OSBPL5: variants seen among roughly 807,000 people sequenced by gnomAD.
The protein encoded by OSBPL5 is oxysterol-binding protein-related protein 5.
In OSBPL5, 71 loss-of-function variants were observed where a neutral mutation model predicts 111.2. The observed-to-expected ratio is 0.64, with a 90% CI of 0.53 to 0.78. The LOEUF (loss-of-function observed/expected upper bound fraction) is 0.78, where lower values mean the gene tolerates loss of function less well. Among genes scored for constraint, OSBPL5 ranks in the 30% least tolerant of loss-of-function variants. The probability of loss-of-function intolerance (pLI) is 0.00; values close to 1 mark genes in which losing one functional copy is unlikely to be tolerated. For missense variants in OSBPL5, 1,210 were observed against 1,189.3 expected (o/e 1.02, Z -0.26); for synonymous variants, 549 against 513.9 (o/e 1.07, Z -0.93).
chr11:3,111,406 C>A (rs761274569), intron 7 of OSBPL5, among the ~76,000 whole-genome samples: 1 of 151,568 alleles, frequency 6.6e-6, no homozygotes, highest in Non-Finnish European at 1.5e-5. Context: ...GCCTGAGACC[C>A]ATCCCTAGGG....
chr11:3,158,416 C>A (rs770416241), intron 1 of OSBPL5, among the ~76,000 whole-genome samples: 1 of 152,288 alleles, frequency 6.6e-6, no homozygotes, highest in Admixed American at 6.5e-5. Flanking sequence ...GGTGCCCACA[C>A]TGGCACCTGC....
At chr11:3,122,146 G>A (rs1858440930) in intron 4 of OSBPL5, 48 bp from the exon 5 acceptor site, 1 of 1,512,432 alleles carries the variant, frequency 6.6e-7, no homozygotes, top group African/African-American at 1.4e-5. Context: ...GCACCGAGCT[G>A]CCCCAGCTCC....
In OSBPL5 at chr11:3,150,049, C is replaced by G. The variant is rs752763437; in HGVS notation, c.-22+15167G>C. Among the ~76,000 whole-genome samples the G allele has an allele frequency of 2.0e-5, 3 of 152,302 alleles. No homozygotes were observed. The East Asian group carries it at 5.8e-4, about 29-fold the overall frequency. ...AGACAGATGTGCATGCACACACACA[C>G]AGACACACACGTACACACACACAGC... On this transcript the variant is annotated intron_variant, in intron 1 of 21. Coordinates refer to ENST00000263650, the MANE Select transcript of OSBPL5 (RefSeq NM_020896.4).
rs1246966652 is a variant in OSBPL5, at chr11:3,113,499, A to G, written c.692-5554T>C. Among the ~76,000 whole-genome samples, 2 of 152,152 alleles carry G rather than the reference A, an allele frequency of 1.3e-5. No individual in the cohort carries two copies. The highest frequency in any genetic ancestry group is 2.9e-5 in the Non-Finnish European group (2 of 68,024). ...GTGAAACCCCATCTCTACTAAAAATACAAAAATTAGCCAGGTGTGTTGGCA... is the reference window on the plus strand; with the variant it reads ...GTGAAACCCCATCTCTACTAAAAATGCAAAAATTAGCCAGGTGTGTTGGCA... On this transcript the variant is annotated intron_variant, in intron 7 of 21. Transcript: ENST00000263650. The surrounding 1 kb of genome is among the most constrained non-coding windows in gnomAD (Gnocchi z 4.8).
In OSBPL5 at chr11:3,121,257, C is replaced by T. The variant is rs1158164192; in HGVS notation, c.403-633G>A. Among the ~76,000 whole-genome samples, 2 of 151,994 alleles carry T rather than the reference C, an allele frequency of 1.3e-5. No individual in the cohort carries two copies. Among genetic ancestry groups the T allele is most frequent in the Non-Finnish European group, 2.9e-5 (2 of 68,010 alleles). On this transcript the variant is annotated intron_variant, in intron 5 of 21. Coordinates refer to ENST00000263650, the MANE Select transcript of OSBPL5 (RefSeq NM_020896.4). The surrounding 1 kb of genome is among the most constrained non-coding windows in gnomAD (Gnocchi z 4.3). ...ATTTTTAGTAGAGACGGGGTTTTGC[C>T]ATTTTGGACAGGCTGGTCTCAAACT... is the stretch of plus-strand genomic sequence containing the variant.
chr11:3,138,134 CGGCCCT>C (rs1846000994), intron 1 of OSBPL5, among the ~76,000 whole-genome samples: 1 of 152,226 alleles, frequency 6.6e-6, no homozygotes, highest in Non-Finnish European at 1.5e-5. Context: ...AGCCCGTCCC[CGGCCCT>C]GTCCACCTGT....
rs187350869 is a variant in OSBPL5 at position 3,155,180 on chromosome 11, G to A, written c.-22+10036C>T. On this transcript the variant is annotated intron_variant, in intron 1 of 21. Coordinates refer to ENST00000263650, the MANE Select transcript of OSBPL5 (RefSeq NM_020896.4). The stretch of plus-strand genomic sequence containing the variant: ...AGAATCAACGTCTGGGCTGCTTAGT[G>A]GTGGAAACCCCAGCAAGCTCACACA... Among the ~76,000 whole-genome samples the A allele has an allele frequency of 2.5e-3, 388 of 152,318 alleles. 4 individuals are homozygous for A. The highest frequency in any genetic ancestry group is 9.1e-3 in the African/African-American group (380 of 41,564).
Position 3,090,704 on chromosome 11 carries a change from GA to G in OSBPL5, c.2260-9del. 1 of 1,607,330 alleles carries G rather than the reference GA, an allele frequency of 6.2e-7. No homozygotes were observed. The highest frequency in any genetic ancestry group is 1.7e-5 in the Admixed American group (1 of 59,472). The stretch of plus-strand genomic sequence containing the variant: ...CTGGTCTGGGCCAGACCTCTGCAGA[GA>G]AATGGAGCTGCTGCAGCTGAAAGCC... On this transcript the variant is annotated splice_polypyrimidine_tract_variant and intron_variant, in intron 19 of 21. Coordinates refer to ENST00000263650, the MANE Select transcript of OSBPL5 (RefSeq NM_020896.4).
chr11:3,092,508 C>A lies in OSBPL5; in HGVS notation c.2183G>T (p.Gly728Val). ...LKDIAQFEQD[G>V]ILRTLQQEAV... ...CTCCTGCTGCAAGGTCCGCAGGATC[C>A]CGTCTTGCTCAAACTGGGCGATGTC... is the stretch of plus-strand genomic sequence containing the variant. Residue 728 changes from glycine to valine, a missense_variant, in exon 19 of 22, where the codon GGG becomes GTG. Coordinates refer to ENST00000263650, the MANE Select transcript of OSBPL5 (RefSeq NM_020896.4). This position sits in a 1 kb window ranked among gnomAD's most constrained non-coding sequence, Gnocchi z 5.4. 6.3e-7 allele frequency: 1 copy of A among 1,583,256 alleles called. No individual in the cohort carries two copies. The highest frequency in any genetic ancestry group is 8.6e-7 in the Non-Finnish European group (1 of 1,165,132).
At chr11:3,134,052 G>T (rs1019173408) in intron 1 of OSBPL5, among the ~76,000 whole-genome samples, 1 of 152,116 alleles carries the variant, frequency 6.6e-6, no homozygotes, top group Non-Finnish European at 1.5e-5. Flanking sequence ...GGAGGGAAGG[G>T]TGCAGGCCTG....
intron 1 of OSBPL5, among the ~76,000 whole-genome samples, chr11:3,148,656 A>G (rs1354572039): frequency 1.3e-5 from 2 of 152,228 alleles, no homozygotes; most frequent in Non-Finnish European, 2.9e-5. Flanking sequence ...GAGAGGACAC[A>G]GATTTCTCTT....
At chr11:3,124,871 C>G (rs1456280187) in intron 3 of OSBPL5, among the ~76,000 whole-genome samples, 1 of 152,110 alleles carries the variant, frequency 6.6e-6, no homozygotes, top group African/African-American at 2.4e-5. Context: ...TCCCCTCTGC[C>G]CAGCTTCCCA....
rs138701323 is a variant in OSBPL5 at position 3,130,933 on chromosome 11, C to G, written c.-21-1764G>C. 6.6e-6 allele frequency among the ~76,000 whole-genome samples: 1 copy of G among 152,136 alleles called. No homozygotes were observed. Among genetic ancestry groups the G allele is most frequent in the Non-Finnish European group, 1.5e-5 (1 of 68,008 alleles). On this transcript the variant is annotated intron_variant, in intron 1 of 21. Transcript: ENST00000263650. The surrounding 1 kb of genome is among the most constrained non-coding windows in gnomAD (Gnocchi z 4.5). ...CAGACAGCTGAGATTTTCTGAGCAC[C>G]CAGGCTGGGCTGGGCACCAGGCAGC... is the stretch of plus-strand genomic sequence containing the variant.
rs182493669 is a variant in OSBPL5, at chr11:3,106,625, C to A, written c.1059+638G>T. 4.7e-3 allele frequency among the ~76,000 whole-genome samples: 713 copies of A among 152,354 alleles called. 1 individual carries two copies. Among genetic ancestry groups the A allele is most frequent in the Admixed American group, 7.6e-3 (116 of 15,312 alleles). ...CTGCTGCCCACCGCCTGCTGCCTCC[C>A]TTGAGCTCGTGCGCTGGTGGTCCTT... On this transcript the variant is annotated intron_variant, in intron 9 of 21. Coordinates refer to ENST00000263650, the MANE Select transcript of OSBPL5 (RefSeq NM_020896.4). This position sits in a 1 kb window ranked among gnomAD's most constrained non-coding sequence, Gnocchi z 8.4.
At chr11:3,099,595 G>C (rs1857385588) in intron 14 of OSBPL5, among the ~76,000 whole-genome samples, 1 of 152,186 alleles carries the variant, frequency 6.6e-6, no homozygotes, top group Non-Finnish European at 1.5e-5. Flanking sequence ...ACTGTAGCAA[G>C]ACTACAGGGC....
chr11:3,092,163 T>A lies in OSBPL5; in HGVS notation c.2259+269A>T, dbSNP rs1167177438. 6.6e-6 allele frequency among the ~76,000 whole-genome samples: 1 copy of A among 151,206 alleles called. No individual in the cohort carries two copies. Among genetic ancestry groups the A allele is most frequent in the Admixed American group, 6.6e-5 (1 of 15,192 alleles). ...GGAATGGGATAATGTGGCTGCTAAC[T>A]TGGCAGAGGGAGACTTTGGGGGCAG... On this transcript the variant is annotated intron_variant, in intron 19 of 21. Coordinates refer to ENST00000263650, the MANE Select transcript of OSBPL5 (RefSeq NM_020896.4). This position sits in a 1 kb window ranked among gnomAD's most constrained non-coding sequence, Gnocchi z 5.4.
intron 1 of OSBPL5, among the ~76,000 whole-genome samples, chr11:3,150,438 G>A (rs1487361368): frequency 6.6e-6 from 1 of 152,100 alleles, no homozygotes; most frequent in Non-Finnish European, 1.5e-5. Context: ...TCCTCCTTAG[G>A]GAGGAGCCCA....
chr11:3,142,801 C>T lies in OSBPL5; in HGVS notation c.-21-13632G>A, dbSNP rs1846169264. On this transcript the variant is annotated intron_variant, in intron 1 of 21. Transcript: ENST00000263650. The surrounding 1 kb of genome is among the most constrained non-coding windows in gnomAD (Gnocchi z 7.1). ...CCTTCACCTGGGGATCCCCGAGCCC[C>T]ATGCAGCCTTGCGGGTAGAAGGGCA... Among the ~76,000 whole-genome samples the T allele has an allele frequency of 6.6e-6, 1 of 151,962 alleles. No homozygotes were observed. Among genetic ancestry groups the T allele is most frequent in the African/African-American group, 2.4e-5 (1 of 41,358 alleles).
Position 3,126,564 on chromosome 11 carries a change from G to T in OSBPL5, c.137-9C>A. 1 of 1,605,010 alleles carries T rather than the reference G, an allele frequency of 6.2e-7. No individual in the cohort carries two copies. Among genetic ancestry groups the T allele is most frequent in the South Asian group, 1.1e-5 (1 of 90,046 alleles). On this transcript the variant is annotated splice_polypyrimidine_tract_variant and intron_variant, in intron 2 of 21. Transcript: ENST00000263650. This position sits in a 1 kb window ranked among gnomAD's most constrained non-coding sequence, Gnocchi z 6.5. ...GGGCTCCATGTCCTTCCCTGCAAGA[G>T]AGCAGTGGGAGTGAGGACCCAGGCA...
Sources: gnomAD v4.1 joint callset for allele counts (sites outside exome capture counted in the v4.1 genomes callset) on GRCh38, gnomAD v4.1.1 for gene constraint, Gnocchi (gnomAD v3.1) non-coding constraint, MANE v1.5 for transcripts, NCBI Gene and HGNC (gene_info 2026-07-23, HGNC 2026-07-21) for gene names.